DAGLA: variants seen among roughly 807,000 people sequenced by gnomAD.
The protein encoded by DAGLA is diacylglycerol lipase-alpha.
A neutral mutation model predicts 102.6 loss-of-function variants in DAGLA; 22 were observed. The observed-to-expected ratio is 0.21, with a 90% CI of 0.15 to 0.31. DAGLA has a LOEUF of 0.31. Ranked by LOEUF, DAGLA falls within the 10% of genes least tolerant of loss-of-function variation. DAGLA has a pLI of 1.00. For synonymous variants in DAGLA, 578 were observed against 628.9 expected, an observed-to-expected ratio of 0.92 and a Z score of 1.21; for missense variants, 927 against 1,446.6, an observed-to-expected ratio of 0.64 and a Z score of 5.83.
At chr11:61,718,013 G>T (rs1357526151) in intron 1 of DAGLA, among the ~76,000 whole-genome samples, 6 of 152,196 alleles carry the variant, frequency 3.9e-5, no homozygotes, top group African/African-American at 1.4e-4. Context: ...TGGATGGTGT[G>T]TGATCTCGAG....
rs682189 is a variant in DAGLA at position 61,684,023 on chromosome 11, C to T, written c.-45+3519C>T. On this transcript the variant is annotated intron_variant, in intron 1 of 19. Transcript: ENST00000257215. This position sits in a 1 kb window ranked among gnomAD's most constrained non-coding sequence, Gnocchi z 4.5. The stretch of plus-strand genomic sequence containing the variant: ...CCCCATAAATCACAGTGCCTGGCTG[C>T]TGTGCTTTAGGGGTGCCGGGGAGCC... Among the ~76,000 whole-genome samples the T allele has an allele frequency of 7.5e-3, 1,138 of 152,340 alleles. 22 individuals carry two copies. Among genetic ancestry groups the T allele is most frequent in the African/African-American group, 0.026 (1,081 of 41,578 alleles).
At chr11:61,697,503 A>T (rs1290223974) in intron 1 of DAGLA, among the ~76,000 whole-genome samples, 12 of 152,046 alleles carry the variant, frequency 7.9e-5, no homozygotes, top group Non-Finnish European at 1.8e-4. Flanking sequence ...CCAAGGCCCC[A>T]GGAGCCTGGG....
chr11:61,690,856 C>A (rs537301163), intron 1 of DAGLA, among the ~76,000 whole-genome samples: 4 of 152,326 alleles, frequency 2.6e-5, no homozygotes, highest in Non-Finnish European at 4.4e-5. Context: ...TCCCAGGAAG[C>A]CCTCGCCGCT....
At chr11:61,730,542 A>G (rs536386638) in intron 8 of DAGLA, among the ~76,000 whole-genome samples, 6 of 152,200 alleles carry the variant, frequency 3.9e-5, no homozygotes, top group Admixed American at 6.5e-5. Flanking sequence ...AAGGTGACTA[A>G]TTCCCTCTCC....
chr11:61,728,100 C>T (rs1227851035), intron 6 of DAGLA, 53 bp from the exon 7 acceptor site: 13 of 1,604,562 alleles, frequency 8.1e-6, no homozygotes, highest in Middle Eastern at 1.6e-4. Flanking sequence ...CCTGGCCTCT[C>T]GTCCTCTCTC....
At chr11:61,694,486 G>T (rs1257701007) in intron 1 of DAGLA, among the ~76,000 whole-genome samples, 1 of 152,184 alleles carries the variant, frequency 6.6e-6, no homozygotes, top group Non-Finnish European at 1.5e-5. Context: ...CAGAGGGCCG[G>T]GGTGCCTGGG....
At chr11:61,725,163 C>G (rs1458123823) in intron 5 of DAGLA, among the ~76,000 whole-genome samples, 1 of 152,164 alleles carries the variant, frequency 6.6e-6, no homozygotes, top group Non-Finnish European at 1.5e-5. Context: ...GCAAGCTAGC[C>G]CCTTCTTGCT....
chr11:61,738,236 T>G, intron 16 of DAGLA, 29 bp downstream of exon 16: 1 of 1,586,384 alleles, frequency 6.3e-7, no homozygotes, highest in Non-Finnish European at 8.6e-7. Context: ...ACCCTGCCTC[T>G]GTGCAGCCTC....
At chr11:61,692,809 A>G (rs1031146646) in intron 1 of DAGLA, among the ~76,000 whole-genome samples, 1 of 151,924 alleles carries the variant, frequency 6.6e-6, no homozygotes, top group Non-Finnish European at 1.5e-5. Flanking sequence ...TTGTATGTGG[A>G]CTACTCCACA....
chr11:61,743,678 G>A lies in DAGLA; in HGVS notation c.2318G>A (p.Arg773Gln), dbSNP rs140475905. The change falls in exon 20 of 20, where the codon CGG (arginine) becomes CAG (glutamine). Residue 773 changes from arginine (R) to glutamine (Q), a missense_variant. Transcript: ENST00000257215. The part of the protein sequence containing the change: ...QERLAAELQA[R>Q]RAPLATMESL... ...CGGCTGGCGGCGGAGCTGCAGGCCC[G>A]GCGGGCACCACTGGCCACCATGGAG... The A allele has an allele frequency of 1.0e-4, 162 of 1,600,816 alleles. No homozygotes were observed. The highest frequency in any genetic ancestry group is 2.5e-4 in the Admixed American group (15 of 59,666).
intron 1 of DAGLA, among the ~76,000 whole-genome samples, chr11:61,688,504 T>C (rs920190245): frequency 7.9e-5 from 12 of 152,130 alleles, no homozygotes; most frequent in Non-Finnish European, 1.6e-4. Flanking sequence ...TTGAGGAACC[T>C]GTGTGGCCAG....
chr11:61,716,717 G>A (rs1490172222), intron 1 of DAGLA, among the ~76,000 whole-genome samples: 1 of 152,214 alleles, frequency 6.6e-6, no homozygotes, highest in African/African-American at 2.4e-5. Flanking sequence ...AGGCCATGGG[G>A]AGCCAGGAAG....
intron 6 of DAGLA, among the ~76,000 whole-genome samples, chr11:61,726,476 A>C (rs996921262): frequency 6.6e-6 from 1 of 152,270 alleles, no homozygotes; most frequent in African/African-American, 2.4e-5. Context: ...AGATGGGGAC[A>C]CATAGCCTTC....
At chr11:61,726,178 C>A in intron 6 of DAGLA, 96 bp downstream of exon 6, 1 of 1,209,620 alleles carries the variant, frequency 8.3e-7, no homozygotes, top group Non-Finnish European at 1.2e-6. Flanking sequence ...TGGGGCAGGG[C>A]TGGTGGGAAG....
At chr11:61,707,227 C>T (rs1185271144) in intron 1 of DAGLA, among the ~76,000 whole-genome samples, 5 of 152,344 alleles carry the variant, frequency 3.3e-5, no homozygotes, top group Admixed American at 2.6e-4. Context: ...CTGAGCAGGT[C>T]GGGAAGCAGA....
At chr11:61,739,786 A>G (rs899525570) in intron 17 of DAGLA, 125 bp downstream of exon 17, 12 of 1,008,114 alleles carry the variant, frequency 1.2e-5, no homozygotes, top group Non-Finnish European at 1.3e-5. Flanking sequence ...AAGATGGCCC[A>G]GGGCCTCCAT....
chr11:61,690,839 G>T (rs959305010), intron 1 of DAGLA, among the ~76,000 whole-genome samples: 2 of 152,182 alleles, frequency 1.3e-5, no homozygotes, highest in Non-Finnish European at 2.9e-5. Context: ...CGAAGGCCAG[G>T]CCCCGCTCCC....
chr11:61,744,017 G>A lies in DAGLA; in HGVS notation c.2657G>A (p.Gly886Asp). ...GAGGAGGAAGAGGTTGGCGGTGGGG[G>A]TGGCGGGCCGGCCTCCCGCGGGGAG... The part of the protein sequence containing the change: ...NDEEEEVGGG[G>D]GGPASRGELA... Residue 886 changes from glycine (G) to aspartate (D), a missense_variant, in exon 20 of 20, where the codon GGT becomes GAT. Gly to Asp is a moderately conservative substitution (Grantham distance 94). Around this residue, in one of 4 missense-constraint regions of DAGLA, gnomAD observed 434 missense variants for 503.3 expected, o/e 0.86. Coordinates refer to ENST00000257215, the MANE Select transcript of DAGLA (RefSeq NM_006133.3). 6.2e-7 allele frequency: 1 copy of A among 1,612,030 alleles called. No individual in the cohort carries two copies. The highest frequency in any genetic ancestry group is 8.5e-7 in the Non-Finnish European group (1 of 1,179,668).
chr11:61,695,888 C>T (rs2065060728), intron 1 of DAGLA, among the ~76,000 whole-genome samples: 1 of 152,160 alleles, frequency 6.6e-6, no homozygotes, highest in South Asian at 2.1e-4. Flanking sequence ...CCGGTGAGAC[C>T]CTGGAAAGCC....
Sources: allele counts gnomAD v4.1 joint callset (sites outside exome capture counted in the v4.1 genomes callset), GRCh38; gene constraint gnomAD v4.1.1; regional missense constraint gnomAD v4.1.1; non-coding constraint Gnocchi (gnomAD v3.1); transcripts MANE v1.5; gene names NCBI Gene and HGNC (gene_info 2026-07-23, HGNC 2026-07-21).